The following LRSAM1 variants were observed in gnomAD, a reference collection of about 807,000 sequenced individuals.
LRSAM1 encodes E3 ubiquitin-protein ligase LRSAM1.
Under a neutral mutation model 118.1 loss-of-function variants are expected in LRSAM1, and 96 were observed. The observed-to-expected ratio is 0.81, with a 90% CI of 0.69 to 0.96. The LOEUF is 0.96. LRSAM1 is among the 40% of genes least tolerant of loss of function. The pLI is 0.00. For missense variants in LRSAM1, 804 were observed against 915.5 expected, an observed-to-expected ratio of 0.88 and a Z score of 1.57; for synonymous variants, 322 against 364.2, an observed-to-expected ratio of 0.88 and a Z score of 1.32.
chr9:127,497,360 C>T (rs770799976), intron 24 of LRSAM1, 26 bp downstream of exon 24: 2 of 1,602,278 alleles, frequency 1.2e-6, no homozygotes, highest in Non-Finnish European at 1.7e-6. Context: ...CAGCCTCTTC[C>T]AGGCAGGGCT....
chr9:127,483,216 C>T (rs1835604995), intron 16 of LRSAM1, among the ~76,000 whole-genome samples, 196 bp downstream of exon 16: 1 of 152,182 alleles, frequency 6.6e-6, no homozygotes, highest in East Asian at 1.9e-4. Context: ...CAAACACCCA[C>T]CATGTGACCT....
chr9:127,480,100 A>G (rs1422576846), intron 14 of LRSAM1, 122 bp downstream of exon 14: 6 of 1,374,700 alleles, frequency 4.4e-6, no homozygotes, highest in Non-Finnish European at 6.1e-6. Flanking sequence ...CCTTGTCAGG[A>G]TCCAGTCTGG....
chr9:127,455,679 A>C (rs1834492465), intron 5 of LRSAM1, 59 bp downstream of exon 5: 15 of 1,548,902 alleles, frequency 9.7e-6, no homozygotes, highest in Admixed American at 1.7e-5. Context: ...GTTTGAACCC[A>C]CAAGGGACTT....
At position 127,454,937 on chromosome 9, in the gene LRSAM1, C is replaced by G; in HGVS notation, c.73-61C>G. ...GCTTACATTTATGTTCTTTGCCTGG[C>G]TTGTCCACTCTGCAAAGGTGTTTTG... On this transcript the variant is annotated intron_variant, in intron 3 of 25. Coordinates refer to ENST00000300417, the MANE Select transcript of LRSAM1 (RefSeq NM_001005373.4). 2.7e-6 allele frequency: 4 copies of G among 1,488,720 alleles called. No individual in the cohort carries two copies. In the South Asian group the frequency reaches 4.5e-5, roughly 17 times the overall value. 92.2% of individuals were successfully genotyped at this position (1,488,720 alleles called of 1,614,324 possible).
chr9:127,480,106 T>TTGAAGCACCCAGA, intron 14 of LRSAM1, 128 bp downstream of exon 14: 1 of 1,275,650 alleles, frequency 7.8e-7, no homozygotes, highest in Non-Finnish European at 1.1e-6. Flanking sequence ...CAGGATCCAG[T>TTGAAGCACCCAGA]CTGGGTGCTT....
At chr9:127,469,592 C>G (rs1458104470) in intron 10 of LRSAM1, among the ~76,000 whole-genome samples, 3 of 150,650 alleles carry the variant, frequency 2.0e-5, no homozygotes, top group Non-Finnish European at 3.0e-5. Context: ...TTTGACAAAC[C>G]CACTAAAATG....
At chr9:127,477,547 G>A (rs1357098544) in intron 11 of LRSAM1, among the ~76,000 whole-genome samples, 1 of 144,678 alleles carries the variant, frequency 6.9e-6, no homozygotes, top group African/African-American at 2.6e-5. Flanking sequence ...TCAGGAGTTT[G>A]AGACCATCCT....
chr9:127,499,953 C>T lies in LRSAM1; in HGVS notation c.1913-1057C>T, dbSNP rs151079638. 3.5e-3 allele frequency among the ~76,000 whole-genome samples: 530 copies of T among 151,636 alleles called. 1 individual carries two copies. The highest frequency in any genetic ancestry group is 0.012 in the African/African-American group (506 of 41,338). ...AAAAAAAGAAAAACTTTAGTTTTTCCTGTTATAAAAAATAATGCTTGTAAT... is the reference window on the plus strand; with the variant it reads ...AAAAAAAGAAAAACTTTAGTTTTTCTTGTTATAAAAAATAATGCTTGTAAT... On this transcript the variant is annotated intron_variant, in intron 24 of 25. Coordinates refer to ENST00000300417, the MANE Select transcript of LRSAM1 (RefSeq NM_001005373.4).
chr9:127,500,860 C>A, intron 24 of LRSAM1, 150 bp from the exon 25 acceptor site: 2 of 1,033,172 alleles, frequency 1.9e-6, no homozygotes, highest in Non-Finnish European at 2.9e-6. Flanking sequence ...GAGTGTGTGG[C>A]AAGGAGAGCA....
chr9:127,465,445 G>A lies in LRSAM1; in HGVS notation c.529-2295G>A, dbSNP rs371244535. Among the ~76,000 whole-genome samples, 2 of 152,334 alleles carry A rather than the reference G, an allele frequency of 1.3e-5. No individual in the cohort carries two copies. The highest frequency in any genetic ancestry group is 6.5e-5 in the Admixed American group (1 of 15,300). On this transcript the variant is annotated intron_variant, in intron 9 of 25. Coordinates refer to ENST00000300417, the MANE Select transcript of LRSAM1 (RefSeq NM_001005373.4). The surrounding 1 kb of genome is among the most constrained non-coding windows in gnomAD (Gnocchi z 4.1). Reference sequence around the variant, plus strand: ...ACACATGGCTTGTAGCCAGCATCCTGGTATAGCCCACAGTCCGTGCCCTTA... The same window carrying A: ...ACACATGGCTTGTAGCCAGCATCCTAGTATAGCCCACAGTCCGTGCCCTTA...
chr9:127,499,021 C>T (rs947091134), intron 24 of LRSAM1, among the ~76,000 whole-genome samples: 2 of 149,538 alleles, frequency 1.3e-5, no homozygotes, highest in Middle Eastern at 3.5e-3. Context: ...CATGCCATTG[C>T]ATTCCAGCCT....
Position 127,485,822 on chromosome 9 carries a change from C to T in LRSAM1, c.1246C>T (p.Gln416Ter). ...YESQRQNLVQQACSSMAEMDE... is the reference protein window; with the variant it reads ...YESQRQNLVQ The stretch of plus-strand genomic sequence containing the variant: ...ATCTCAGAGGCAGAACTTGGTCCAG[C>T]AGGCCTGTTCCAGGTAAGGTAAGGA... Residue 416 changes from glutamine (Q) to a stop codon, truncating the protein, a stop_gained, in exon 17 of 26, where the codon CAG becomes TAG. Transcript: ENST00000300417. LOFTEE classifies it high-confidence loss of function. 1 of 1,614,108 alleles carries T rather than the reference C, an allele frequency of 6.2e-7. No homozygotes were observed. The highest frequency in any genetic ancestry group is 8.5e-7 in the Non-Finnish European group (1 of 1,179,998).
intron 9 of LRSAM1, among the ~76,000 whole-genome samples, chr9:127,467,079 G>A (rs1226490446): frequency 1.3e-5 from 2 of 152,142 alleles, no homozygotes; most frequent in African/African-American, 4.8e-5. Context: ...AAATTGAGGA[G>A]TCCTTTATTA....
intron 17 of LRSAM1, among the ~76,000 whole-genome samples, chr9:127,486,146 A>G (rs1354021262): frequency 6.6e-6 from 1 of 152,232 alleles, no homozygotes; most frequent in Non-Finnish European, 1.5e-5. Context: ...TATTAGCCCG[A>G]TTTCACAATC....
intron 24 of LRSAM1, among the ~76,000 whole-genome samples, chr9:127,498,896 T>A (rs1423475010): frequency 6.7e-6 from 1 of 149,632 alleles, no homozygotes; most frequent in Non-Finnish European, 1.5e-5. Context: ...CTGTCTCTAC[T>A]AAAAATACAA....
intron 6 of LRSAM1, among the ~76,000 whole-genome samples, chr9:127,458,417 A>AACAAG (rs1834609483): frequency 7.1e-6 from 1 of 141,024 alleles, no homozygotes; most frequent in Non-Finnish European, 1.5e-5. Context: ...AACAAAACAA[A>AACAAG]ACAAAAAAAA....
intron 14 of LRSAM1, among the ~76,000 whole-genome samples, chr9:127,480,780 C>T (rs1835507809): frequency 6.6e-6 from 1 of 152,112 alleles, no homozygotes; most frequent in African/African-American, 2.4e-5. Flanking sequence ...CTCCTTCTCC[C>T]AGGTTCAAGC....
At chr9:127,479,587 T>C in intron 13 of LRSAM1, 82 bp downstream of exon 13, 1 of 1,584,530 alleles carries the variant, frequency 6.3e-7, no homozygotes, top group Non-Finnish European at 8.6e-7. Flanking sequence ...GTCCCTCGGA[T>C]GTGGAAAGGC....
intron 16 of LRSAM1, among the ~76,000 whole-genome samples, chr9:127,485,457 T>C (rs1835694681): frequency 6.6e-6 from 1 of 151,998 alleles, no homozygotes; most frequent in Non-Finnish European, 1.5e-5. Context: ...CTCGGGAGGC[T>C]GAGGAGGAGA....
Sources: allele counts gnomAD v4.1 joint callset (sites outside exome capture counted in the v4.1 genomes callset), GRCh38; gene constraint gnomAD v4.1.1; non-coding constraint Gnocchi (gnomAD v3.1); transcripts MANE v1.5; gene names NCBI Gene and HGNC (gene_info 2026-07-23, HGNC 2026-07-21).